The following SAXO4 variants were observed in gnomAD, a reference collection of about 807,000 sequenced individuals.
SAXO4 encodes the protein stabilizer of axonemal microtubules 4.
chr11:61,484,791 C>T, the SAXO4 span: 27 of 1,605,230 alleles, frequency 1.7e-5, no homozygotes, highest in Non-Finnish European at 2.1e-5. Flanking sequence ...GGCCAGGACC[C>T]GCTGGAGCGG....
the SAXO4 span, chr11:61,485,945 G>A: frequency 1.4e-6 from 2 of 1,448,214 alleles, no homozygotes; most frequent in African/African-American, 1.4e-5. Flanking sequence ...GAACTTTAGG[G>A]GGCTTGAAGC....
At chr11:61,488,014 T>C in the SAXO4 span, among the ~76,000 whole-genome samples, 1 of 146,974 alleles carries the variant, frequency 6.8e-6, no homozygotes, top group Non-Finnish European at 1.5e-5. Flanking sequence ...TGAGATGGAG[T>C]TTCACTCTGT....
At chr11:61,482,241 G>C in the SAXO4 span, 173 of 1,412,328 alleles carry the variant, frequency 1.2e-4, no homozygotes, top group African/African-American at 2.0e-3. Flanking sequence ...CTCGGAGGAC[G>C]CTGGCCCTGC....
chr11:61,482,223 C>T, the SAXO4 span: 2 of 1,196,692 alleles, frequency 1.7e-6, no homozygotes, highest in African/African-American at 1.5e-5. Flanking sequence ...ACTGTGACCC[C>T]TGTGCCCCTC....
the SAXO4 span, chr11:61,490,390 T>C: frequency 9.2e-6 from 9 of 978,318 alleles, no homozygotes; most frequent in East Asian, 2.4e-5. Context: ...TTGGCTGCCC[T>C]GGCTGAACCC....
At chr11:61,483,839 T>C in the SAXO4 span, among the ~76,000 whole-genome samples, 2 of 151,910 alleles carry the variant, frequency 1.3e-5, no homozygotes, top group African/African-American at 2.4e-5. Flanking sequence ...GCACCTATAA[T>C]CCCAGCTACT....
chr11:61,490,464 C>T, the SAXO4 span: 8 of 1,582,850 alleles, frequency 5.1e-6, no homozygotes, highest in Admixed American at 3.3e-5. Context: ...GCCCTGCCTG[C>T]CAACACCCCC....
At chr11:61,481,841 C>T in the SAXO4 span, 1 of 1,541,486 alleles carries the variant, frequency 6.5e-7, no homozygotes, top group Non-Finnish European at 8.6e-7. Flanking sequence ...GGGGTCGTCT[C>T]CCCTTATGTG....
At chr11:61,485,938 C>A in the SAXO4 span, 2 of 1,502,198 alleles carry the variant, frequency 1.3e-6, no homozygotes, top group Non-Finnish European at 1.8e-6. Flanking sequence ...CCTGCTAGAA[C>A]TTTAGGGGGC....
chr11:61,481,801 C>G, the SAXO4 span: 2 of 1,500,090 alleles, frequency 1.3e-6, no homozygotes, highest in East Asian at 2.6e-5. Context: ...GGCCCTGCCC[C>G]ACAGCATCAT....
chr11:61,485,926 C>A, the SAXO4 span: 1 of 1,580,464 alleles, frequency 6.3e-7, no homozygotes, highest in Non-Finnish European at 8.7e-7. Context: ...GTCGGCTGGG[C>A]TCCTGCTAGA....
At chr11:61,485,671 G>T in the SAXO4 span, 1 of 746,416 alleles carries the variant, frequency 1.3e-6, no homozygotes. Context: ...TGCCACCCAC[G>T]ATCCTCATGG....
At chr11:61,484,711 C>T in the SAXO4 span, 1 of 1,613,782 alleles carries the variant, frequency 6.2e-7, no homozygotes, top group South Asian at 1.1e-5. Context: ...ATTTCGACAC[C>T]CAGGAGCACG....
chr11:61,486,159 C>G, the SAXO4 span, among the ~76,000 whole-genome samples: 4 of 152,244 alleles, frequency 2.6e-5, no homozygotes, highest in African/African-American at 9.6e-5. Flanking sequence ...GCCTGCTGGT[C>G]CCATTCAGAG....
chr11:61,485,846 A>T, the SAXO4 span: 1 of 1,613,978 alleles, frequency 6.2e-7, no homozygotes, highest in Middle Eastern at 1.7e-4. Context: ...GAGTGGCTTC[A>T]CCAAACAGTC....
At chr11:61,486,611 G>A in the SAXO4 span, 1 of 1,613,886 alleles carries the variant, frequency 6.2e-7, no homozygotes, top group East Asian at 2.2e-5. Flanking sequence ...GAACCCCAGA[G>A]TGAGTGGCCT....
chr11:61,483,693 C>T, the SAXO4 span, among the ~76,000 whole-genome samples: 1 of 152,068 alleles, frequency 6.6e-6, no homozygotes, highest in Admixed American at 6.6e-5. Flanking sequence ...TGCGATGGCT[C>T]ACACCTGTAA....
chr11:61,489,902 C>T, the SAXO4 span: 1 of 1,613,776 alleles, frequency 6.2e-7, no homozygotes, highest in Non-Finnish European at 8.5e-7. Flanking sequence ...AGGCCACCCC[C>T]AACCCCATGG....
the SAXO4 span, chr11:61,482,716 C>T: frequency 6.2e-7 from 1 of 1,614,026 alleles, no homozygotes. Flanking sequence ...CCTGGAGGTG[C>T]CTGACGGCAA....
Sources: allele counts gnomAD v4.1 joint callset (sites outside exome capture counted in the v4.1 genomes callset), GRCh38; gene constraint gnomAD v4.1.1; transcripts MANE v1.5; gene names NCBI Gene and HGNC (gene_info 2026-07-23, HGNC 2026-07-21).